Variants in BLTP3A observed in about 807,000 individuals in gnomAD.
BLTP3A encodes the protein ICBP90 binding protein 1.
At chr6:34,821,926 A>G in the BLTP3A span, 2 of 1,614,224 alleles carry the variant, frequency 1.2e-6, no homozygotes, top group Non-Finnish European at 8.5e-7. Context: ...GATCCAGTGG[A>G]CAAAGTTGAA....
chr6:34,853,221 G>T, the BLTP3A span, among the ~76,000 whole-genome samples: 2 of 152,170 alleles, frequency 1.3e-5, no homozygotes, highest in Non-Finnish European at 2.9e-5. Context: ...GCATTGCCAA[G>T]CAGGCTGGAG....
the BLTP3A span, chr6:34,874,612 CATAAT>C: frequency 2.6e-5 from 4 of 152,204 alleles, no homozygotes; most frequent in Non-Finnish European, 5.9e-5. Flanking sequence ...TGAGGTTCAA[CATAAT>C]ATAAGGAAAT....
the BLTP3A span, chr6:34,857,732 C>T: frequency 2.5e-6 from 4 of 1,613,798 alleles, no homozygotes; most frequent in South Asian, 3.3e-5. Context: ...AGTTCCTTGT[C>T]CTAATCTCTA....
the BLTP3A span, among the ~76,000 whole-genome samples, chr6:34,855,145 A>G: frequency 6.6e-6 from 1 of 152,208 alleles, no homozygotes; most frequent in Admixed American, 6.5e-5. Context: ...ATAGTATATA[A>G]TCATTGTCTA....
At chr6:34,866,527 T>C in the BLTP3A span, among the ~76,000 whole-genome samples, 1 of 152,344 alleles carries the variant, frequency 6.6e-6, no homozygotes, top group Non-Finnish European at 1.5e-5. Context: ...CCATAAATAT[T>C]TTCAGTTATG....
the BLTP3A span, among the ~76,000 whole-genome samples, chr6:34,842,357 G>A: frequency 3.3e-5 from 5 of 152,064 alleles, no homozygotes; most frequent in Non-Finnish European, 5.9e-5. Flanking sequence ...GTTGTATAAC[G>A]ATCTCAATAA....
At chr6:34,800,333 T>C in the BLTP3A span, among the ~76,000 whole-genome samples, 1 of 152,248 alleles carries the variant, frequency 6.6e-6, no homozygotes, top group Admixed American at 6.5e-5. Context: ...CCCACTGTAA[T>C]GTGTCCTCCA....
the BLTP3A span, chr6:34,834,911 G>A: frequency 6.3e-7 from 1 of 1,589,198 alleles, no homozygotes; most frequent in Non-Finnish European, 8.6e-7. Context: ...TATTCTATGA[G>A]ACAGCCTGGA....
the BLTP3A span, among the ~76,000 whole-genome samples, chr6:34,795,106 ACGGAATCTTG>A: frequency 1.4e-5 from 2 of 147,554 alleles, no homozygotes; most frequent in Non-Finnish European, 3.0e-5. Flanking sequence ...TTTTTTAGAG[ACGGAATCTTG>A]CTTTGTGCCT....
At chr6:34,847,921 C>CTTTCTTTTTTTTTTTTTTTTTTTTTTTT in the BLTP3A span, among the ~76,000 whole-genome samples, 10 of 91,168 alleles carry the variant, frequency 1.1e-4, 1 homozygote, top group African/African-American at 1.6e-4. Flanking sequence ...TCTTTTTTTC[C>CTTTCTTTTTTTTTTTTTTTTTTTTTTTT]TTTTTTTTTT....
At chr6:34,855,713 A>C in the BLTP3A span, 1 of 1,613,050 alleles carries the variant, frequency 6.2e-7, no homozygotes, top group South Asian at 1.1e-5. Context: ...GGTTAGGAAA[A>C]CTCTGAATGG....
chr6:34,835,413 C>A, the BLTP3A span: 1 of 1,614,006 alleles, frequency 6.2e-7, no homozygotes, highest in African/African-American at 1.3e-5. Context: ...TGAGTGAAGC[C>A]ATGGAGAAGT....
At chr6:34,814,514 T>C in the BLTP3A span, among the ~76,000 whole-genome samples, 1 of 152,348 alleles carries the variant, frequency 6.6e-6, no homozygotes, top group South Asian at 2.1e-4. Context: ...CCGCTCATGG[T>C]GGTCCAGCAG....
chr6:34,810,643 G>GT, the BLTP3A span, among the ~76,000 whole-genome samples: 5 of 152,084 alleles, frequency 3.3e-5, no homozygotes, highest in Non-Finnish European at 5.9e-5. Flanking sequence ...TAATTATTTT[G>GT]TTTTTTTGTA....
the BLTP3A span, among the ~76,000 whole-genome samples, chr6:34,830,343 C>T: frequency 4.0e-5 from 6 of 151,722 alleles, no homozygotes; most frequent in Non-Finnish European, 8.8e-5. Context: ...AATCCCAGCA[C>T]TTTGGGAGGC....
chr6:34,854,363 A>G, the BLTP3A span, among the ~76,000 whole-genome samples: 1 of 152,164 alleles, frequency 6.6e-6, no homozygotes, highest in Non-Finnish European at 1.5e-5. Flanking sequence ...ATTATAATAT[A>G]TACATAAATA....
the BLTP3A span, among the ~76,000 whole-genome samples, chr6:34,795,985 A>T: frequency 6.6e-6 from 1 of 152,186 alleles, no homozygotes. Context: ...GCCTAATCAC[A>T]TGTGACATTT....
chr6:34,832,613 T>C, the BLTP3A span, among the ~76,000 whole-genome samples: 2,749 of 152,004 alleles, frequency 0.018, 69 homozygotes, highest in African/African-American at 0.054. Flanking sequence ...ATTTTTAAAT[T>C]TTTTTGTAGA....
chr6:34,877,155 C>T, the BLTP3A span: 1 of 152,622 alleles, frequency 6.6e-6, no homozygotes, highest in Non-Finnish European at 1.5e-5. Context: ...AAGATACTTT[C>T]AGTATCTAAT....
Sources: gnomAD v4.1 joint callset for allele counts (sites outside exome capture counted in the v4.1 genomes callset) on GRCh38, gnomAD v4.1.1 for gene constraint, MANE v1.5 for transcripts, NCBI Gene and HGNC (gene_info 2026-07-23, HGNC 2026-07-21) for gene names.